Variants in TENM3 observed in about 807,000 individuals in gnomAD.
TENM3 encodes teneurin-3.
A neutral mutation model predicts 255.1 loss-of-function variants in TENM3; 63 were observed. The ratio of observed to expected loss-of-function variants is 0.25; its 90% confidence interval spans 0.20 to 0.30. TENM3 has a LOEUF of 0.30. TENM3 is among the 10% of genes least tolerant of loss of function. The probability of loss-of-function intolerance (pLI) is 1.00; values close to 1 mark genes in which losing one functional copy is unlikely to be tolerated. For missense variants in TENM3, 2,929 were observed against 3,461.1 expected (o/e 0.85, Z 3.86); for synonymous variants, 1,306 against 1,322.3 (o/e 0.99, Z 0.27).
In TENM3 at chr4:182,694,465, T is replaced by A. The variant is rs79485290; in HGVS notation, c.2221+6114T>A. Among the ~76,000 whole-genome samples the A allele has an allele frequency of 4.3e-3, 654 of 152,298 alleles. 2 individuals carry two copies. Among genetic ancestry groups the A allele is most frequent in the African/African-American group, 0.015 (624 of 41,574 alleles). ...ATGAAAGAAAGGTGGAGGATATTGA[T>A]GTATTTTTCTTCTAGTAATGTCTCA... On this transcript the variant is annotated intron_variant, in intron 12 of 27. Transcript: ENST00000511685.
chr4:182,049,865 T>C, the TENM3 span, among the ~76,000 whole-genome samples: 2 of 152,148 alleles, frequency 1.3e-5, no homozygotes, highest in Non-Finnish European at 2.9e-5. Flanking sequence ...AAGAACTTGG[T>C]GCTGATCCTT....
intron 3 of TENM3, among the ~76,000 whole-genome samples, chr4:182,379,429 G>A (rs759123865): frequency 2.6e-5 from 4 of 152,256 alleles, no homozygotes; most frequent in Non-Finnish European, 5.9e-5. Flanking sequence ...CTGTTTTGAG[G>A]GGAAAGTGAG....
the TENM3 span, among the ~76,000 whole-genome samples, chr4:182,102,454 T>C: frequency 6.6e-6 from 1 of 152,160 alleles, no homozygotes; most frequent in Admixed American, 6.5e-5. Context: ...AGACAAAGCT[T>C]GGTATTTAAG....
the TENM3 span, among the ~76,000 whole-genome samples, chr4:181,903,188 G>A: frequency 6.6e-6 from 1 of 150,862 alleles, no homozygotes; most frequent in Admixed American, 6.6e-5. Context: ...ATTGCTTTAA[G>A]ATCTACTTAA....
chr4:181,764,298 A>T, the TENM3 span, among the ~76,000 whole-genome samples: 1 of 152,184 alleles, frequency 6.6e-6, no homozygotes, highest in Non-Finnish European at 1.5e-5. Flanking sequence ...TGGTAAAAGG[A>T]TGTAATCTCA....
At chr4:181,608,940 G>GC in the TENM3 span, among the ~76,000 whole-genome samples, 1 of 152,130 alleles carries the variant, frequency 6.6e-6, no homozygotes, top group African/African-American at 2.4e-5. Flanking sequence ...CCACTGTTTT[G>GC]GGGGTTTCCA....
At chr4:182,588,556 G>A (rs557504899) in intron 3 of TENM3, among the ~76,000 whole-genome samples, 10 of 152,184 alleles carry the variant, frequency 6.6e-5, no homozygotes, top group East Asian at 3.9e-4. Context: ...AGAGAAAAGC[G>A]TTGATTGATT....
intron 3 of TENM3, among the ~76,000 whole-genome samples, chr4:182,486,688 A>G (rs1734765201): frequency 6.6e-6 from 1 of 152,180 alleles, no homozygotes; most frequent in African/African-American, 2.4e-5. Context: ...TTATTGCAGG[A>G]GAGCCTGAAG....
chr4:182,685,767 G>A (rs9312303), intron 11 of TENM3, among the ~76,000 whole-genome samples: 71,632 of 151,740 alleles, frequency 0.47, 17,421 homozygotes, highest in East Asian at 0.77. Flanking sequence ...GCTTCCTACA[G>A]TTATCCAAGT....
At chr4:182,656,852 T>C (rs2152521950) in intron 6 of TENM3, among the ~76,000 whole-genome samples, 1 of 152,312 alleles carries the variant, frequency 6.6e-6, no homozygotes, top group East Asian at 1.9e-4. Flanking sequence ...TGGTATTTAG[T>C]ATCTAAAAGA....
At chr4:181,889,724 G>T in the TENM3 span, among the ~76,000 whole-genome samples, 1 of 152,120 alleles carries the variant, frequency 6.6e-6, no homozygotes, top group African/African-American at 2.4e-5. Context: ...TTCCATTGTA[G>T]TATTTTCTGG....
At chr4:181,548,349 G>A in the TENM3 span, among the ~76,000 whole-genome samples, 1 of 152,098 alleles carries the variant, frequency 6.6e-6, no homozygotes, top group Admixed American at 6.6e-5. Flanking sequence ...CTGCCATAAA[G>A]ACACATGCAC....
chr4:181,879,821 C>T, the TENM3 span, among the ~76,000 whole-genome samples: 4 of 152,110 alleles, frequency 2.6e-5, no homozygotes, highest in Non-Finnish European at 2.9e-5. Context: ...GTTGATTGCT[C>T]AGTCCAAAGT....
the TENM3 span, among the ~76,000 whole-genome samples, chr4:181,818,078 A>T: frequency 6.6e-6 from 1 of 152,094 alleles, no homozygotes; most frequent in Non-Finnish European, 1.5e-5. Flanking sequence ...GGGGACCCAC[A>T]TTGTTTTATA....
chr4:181,814,101 G>C, the TENM3 span, among the ~76,000 whole-genome samples: 3 of 152,100 alleles, frequency 2.0e-5, no homozygotes, highest in African/African-American at 7.2e-5. Context: ...AAAGGCTTTA[G>C]AGAAGGTTAA....
chr4:181,586,209 A>G, the TENM3 span, among the ~76,000 whole-genome samples: 1 of 152,222 alleles, frequency 6.6e-6, no homozygotes, highest in Admixed American at 6.5e-5. Context: ...TTTCCCTGAC[A>G]GGCAGATGTC....
the TENM3 span, among the ~76,000 whole-genome samples, chr4:181,521,922 C>G: frequency 6.6e-6 from 1 of 151,614 alleles, no homozygotes; most frequent in African/African-American, 2.4e-5. Context: ...CGGTGAAACC[C>G]CGTCTCTAAT....
chr4:182,184,440 C>T lies in TENM3; in HGVS notation c.-76+39686C>T, dbSNP rs559090426. ...TCACAGATGTAAGCACTTAATAAAA[C>T]GCATTTGATGATGCCAAAAATAAAT... On this transcript the variant is annotated intron_variant, in intron 1 of 2. Coordinates refer to the TENM3 transcript ENST00000512480. Among the ~76,000 whole-genome samples the T allele has an allele frequency of 1.3e-4, 19 of 148,894 alleles. No homozygotes were observed. In the South Asian group the frequency reaches 3.2e-3, roughly 25 times the overall value.
chr4:181,770,684 A>G, the TENM3 span, among the ~76,000 whole-genome samples: 2 of 151,538 alleles, frequency 1.3e-5, no homozygotes, highest in South Asian at 2.1e-4. Flanking sequence ...CAAAAAAAAA[A>G]AAAAAAAAAA....
Sources: allele counts gnomAD v4.1 joint callset (sites outside exome capture counted in the v4.1 genomes callset), GRCh38; gene constraint gnomAD v4.1.1; transcripts MANE v1.5; gene names NCBI Gene and HGNC (gene_info 2026-07-23, HGNC 2026-07-21).